TRAPPC9: variants seen among roughly 807,000 people sequenced by gnomAD.
TRAPPC9 encodes the protein trafficking protein particle complex subunit 9, also known as IKK2 binding protein.
TRAPPC9 carries 83 observed loss-of-function variants against 124.0 expected under a neutral mutation model. The observed-to-expected ratio is 0.67, with a 90% confidence interval of 0.56 to 0.80. TRAPPC9 has a LOEUF of 0.80. TRAPPC9 is among the 30% of genes least tolerant of loss of function. The probability of loss-of-function intolerance (pLI) is 0.00; values close to 1 mark genes in which losing one functional copy is unlikely to be tolerated. For missense variants in TRAPPC9, 1,302 were observed against 1,508.3 expected, an observed-to-expected ratio of 0.86 and a Z score of 2.27; for synonymous variants, 638 against 617.5, an observed-to-expected ratio of 1.03 and a Z score of -0.49.
At chr8:140,355,172 C>A (rs779000651) in intron 9 of TRAPPC9, among the ~76,000 whole-genome samples, 10 of 152,212 alleles carry the variant, frequency 6.6e-5, no homozygotes, top group Non-Finnish European at 1.3e-4. Flanking sequence ...TGTGCGTCCC[C>A]TTCCCAGGAC....
At chr8:139,762,652 C>T (rs1241118597) in intron 21 of TRAPPC9, among the ~76,000 whole-genome samples, 1 of 152,194 alleles carries the variant, frequency 6.6e-6, no homozygotes, top group African/African-American at 2.4e-5. Context: ...ATGCGGTCCA[C>T]CACTGACTGA....
intron 21 of TRAPPC9, among the ~76,000 whole-genome samples, chr8:139,760,263 A>T (rs1219752136): frequency 2.0e-5 from 3 of 152,094 alleles, no homozygotes; most frequent in Admixed American, 6.5e-5. Context: ...AGCAAAGAAC[A>T]GGGAAGGAAA....
intron 17 of TRAPPC9, among the ~76,000 whole-genome samples, chr8:140,128,988 C>CATATATATATAT (rs111502084): frequency 2.0e-4 from 27 of 134,828 alleles, no homozygotes; most frequent in South Asian, 1.1e-3. Context: ...TATATATATA[C>CATATATATATAT]ATATATATAT....
chr8:140,308,384 T>C (rs887976070), intron 10 of TRAPPC9, among the ~76,000 whole-genome samples: 1 of 151,190 alleles, frequency 6.6e-6, no homozygotes, highest in African/African-American at 2.4e-5. Context: ...CCCTTTCATT[T>C]GACCGGTCGT....
At chr8:139,839,837 G>C (rs1006794168) in intron 21 of TRAPPC9, among the ~76,000 whole-genome samples, 1 of 152,138 alleles carries the variant, frequency 6.6e-6, no homozygotes, top group African/African-American at 2.4e-5. Context: ...GTGCCAGCCG[G>C]TGCCAGGCAC....
chr8:140,207,978 C>T (rs987028275), intron 17 of TRAPPC9, among the ~76,000 whole-genome samples: 4 of 151,974 alleles, frequency 2.6e-5, no homozygotes, highest in Admixed American at 2.0e-4. Flanking sequence ...ATGGAGAAAC[C>T]CCATCTCTAC....
At chr8:140,005,365 G>A (rs920727869) in intron 18 of TRAPPC9, among the ~76,000 whole-genome samples, 6 of 152,188 alleles carry the variant, frequency 3.9e-5, no homozygotes, top group African/African-American at 4.8e-5. Flanking sequence ...GGGAAGGAAC[G>A]CAGCACACAG....
At position 139,730,714 on chromosome 8, in the gene TRAPPC9, A is replaced by C; in HGVS notation, c.*347T>G. On this transcript the variant is annotated 3_prime_UTR_variant, in exon 23 of 23. Transcript: ENST00000438773. ...GGACGAGGGAGGTCCCTCTGCTGGG[A>C]TGAGCAGCACAGCACGGCTGGGGCC... 3.1e-6 allele frequency: 1 copy of C among 319,486 alleles called. No homozygotes were observed. The highest frequency in any genetic ancestry group is 5.9e-6 in the Non-Finnish European group (1 of 169,782). 19.8% of individuals were successfully genotyped at this position (319,486 alleles called of 1,614,324 possible). A position where few individuals can be genotyped will look rare whatever the true frequency, so the allele number is the denominator to read the frequency against.
At chr8:140,077,596 G>GC (rs1366599129) in intron 17 of TRAPPC9, among the ~76,000 whole-genome samples, 2 of 151,928 alleles carry the variant, frequency 1.3e-5, no homozygotes, top group South Asian at 2.1e-4. Flanking sequence ...GCAGATGCTT[G>GC]CTGGGGGGAC....
chr8:140,229,764 GCCA>G (rs2063549641), intron 16 of TRAPPC9, among the ~76,000 whole-genome samples: 1 of 151,438 alleles, frequency 6.6e-6, no homozygotes, highest in Non-Finnish European at 1.5e-5. Flanking sequence ...CACCATGTTG[GCCA>G]CACTGGTCTC....
intron 21 of TRAPPC9, among the ~76,000 whole-genome samples, chr8:139,866,143 TATC>T (rs1828522094): frequency 6.6e-6 from 1 of 152,222 alleles, no homozygotes. Flanking sequence ...ACCAAAGTCT[TATC>T]ATGCTGATGA....
At chr8:140,086,042 A>T (rs557967713) in intron 17 of TRAPPC9, among the ~76,000 whole-genome samples, 2 of 152,244 alleles carry the variant, frequency 1.3e-5, no homozygotes, top group East Asian at 3.9e-4. Context: ...CCATTTTCTA[A>T]CTATGACTTT....
rs567814236 is a variant in TRAPPC9, at chr8:139,921,866, G to A, written c.2811-11566C>T. ...ACATCTGCCCCCTCCTCCCCGCCGC[G>A]TCTGGGAGTGCACACCTGCCCCCCA... is the stretch of plus-strand genomic sequence containing the variant. On this transcript the variant is annotated intron_variant, in intron 19 of 22. Coordinates refer to ENST00000438773, the MANE Select transcript of TRAPPC9 (RefSeq NM_001160372.4). Among the ~76,000 whole-genome samples, 1,391 of 144,856 alleles carry A rather than the reference G, an allele frequency of 9.6e-3. 7 individuals are homozygous for A. Among genetic ancestry groups the A allele is most frequent in the Admixed American group, 0.012 (178 of 14,380 alleles).
intron 17 of TRAPPC9, among the ~76,000 whole-genome samples, chr8:140,212,048 G>A (rs749137191): frequency 6.6e-6 from 1 of 152,256 alleles, no homozygotes; most frequent in African/African-American, 2.4e-5. Context: ...CAGGAGGACA[G>A]AGGAGCATGC....
At chr8:140,452,419 CAA>C (rs1161960216) in intron 1 of TRAPPC9, among the ~76,000 whole-genome samples, 11 of 40,434 alleles carry the variant, frequency 2.7e-4, no homozygotes, top group Non-Finnish European at 2.8e-4. Context: ...GACTGCATCT[CAA>C]AAAAAAAAAA....
chr8:139,923,645 A>G (rs1324778777), intron 19 of TRAPPC9, among the ~76,000 whole-genome samples: 2 of 152,162 alleles, frequency 1.3e-5, no homozygotes, highest in African/African-American at 2.4e-5. Flanking sequence ...AGCACTGCAC[A>G]TGTGCAGAGT....
intron 17 of TRAPPC9, among the ~76,000 whole-genome samples, chr8:140,174,697 C>T (rs955969989): frequency 3.3e-5 from 5 of 152,160 alleles, no homozygotes; most frequent in African/African-American, 1.2e-4. Flanking sequence ...TGGCTTCTTC[C>T]GCTTAACGAT....
At chr8:140,331,186 T>G (rs998564115) in intron 9 of TRAPPC9, among the ~76,000 whole-genome samples, 2 of 150,794 alleles carry the variant, frequency 1.3e-5, no homozygotes, top group African/African-American at 2.4e-5. Flanking sequence ...AGTCAAATAA[T>G]TTTCATCAAA....
chr8:140,220,974 C>G (rs1020855800), intron 17 of TRAPPC9, among the ~76,000 whole-genome samples: 1 of 152,188 alleles, frequency 6.6e-6, no homozygotes, highest in African/African-American at 2.4e-5. Context: ...ACGGAGCCAG[C>G]AGCCACCTCT....
Sources: allele counts gnomAD v4.1 joint callset (sites outside exome capture counted in the v4.1 genomes callset), GRCh38; gene constraint gnomAD v4.1.1; transcripts MANE v1.5; gene names NCBI Gene and HGNC (gene_info 2026-07-23, HGNC 2026-07-21).